The following WNT9B variants were observed in gnomAD, a reference collection of about 807,000 sequenced individuals.
WNT9B encodes protein Wnt-9b.
A neutral mutation model predicts 30.2 loss-of-function variants in WNT9B; 12 were observed. That is an observed-to-expected ratio of 0.40 (90% confidence interval 0.26 to 0.64). The LOEUF (loss-of-function observed/expected upper bound fraction) is 0.64, where lower values mean the gene tolerates loss of function less well. Among genes scored for constraint, WNT9B ranks in the 30% least tolerant of loss-of-function variants. WNT9B has a pLI of 0.42. For missense variants in WNT9B, 442 were observed against 485.2 expected (o/e 0.91, Z 0.84); for synonymous variants, 218 against 216.9 (o/e 1.01, Z -0.05).
At chr17:46,862,496 G>T (rs896634080) in intron 1 of WNT9B, among the ~76,000 whole-genome samples, 1 of 152,208 alleles carries the variant, frequency 6.6e-6, no homozygotes, top group Non-Finnish European at 1.5e-5. Context: ...CTGGAATTTG[G>T]AATTGTGGAT....
chr17:46,883,374 T>C (rs1470732218), downstream of WNT9B, among the ~76,000 whole-genome samples: 1 of 150,194 alleles, frequency 6.7e-6, no homozygotes, highest in African/African-American at 2.5e-5. Flanking sequence ...AACCTCCGCC[T>C]CCCGGGTTCA....
At chr17:46,880,901 A>G (rs2085413871), downstream of WNT9B, among the ~76,000 whole-genome samples, 2 of 152,180 alleles carry the variant, frequency 1.3e-5, no homozygotes, top group African/African-American at 4.8e-5. Flanking sequence ...CCCTCATGCT[A>G]TGGCAAGCAG....
downstream of WNT9B, among the ~76,000 whole-genome samples, chr17:46,884,392 T>C (rs569288040): frequency 1.2e-3 from 183 of 152,228 alleles, no homozygotes; most frequent in African/African-American, 4.2e-3. Context: ...CAGCCCCCTC[T>C]CCAAGTTCAG....
intron 1 of WNT9B, among the ~76,000 whole-genome samples, chr17:46,863,301 G>A (rs1018410030): frequency 2.2e-4 from 33 of 152,212 alleles, no homozygotes; most frequent in South Asian, 8.3e-4. Flanking sequence ...CACTCCTTGC[G>A]TGGGGTTAGA....
chr17:46,867,494 G>A (rs560288613), intron 1 of WNT9B, among the ~76,000 whole-genome samples: 1 of 152,364 alleles, frequency 6.6e-6, no homozygotes, highest in South Asian at 2.1e-4. Context: ...AGACTACCTA[G>A]GCCAGAACAG....
chr17:46,870,408 G>A (rs1385851301), intron 1 of WNT9B, among the ~76,000 whole-genome samples: 1 of 152,214 alleles, frequency 6.6e-6, no homozygotes, highest in Non-Finnish European at 1.5e-5. Flanking sequence ...CCAGGCTGCA[G>A]GGAGGGGTTT....
At chr17:46,834,489 C>T (rs1210434243) in intron 1 of WNT9B, among the ~76,000 whole-genome samples, 2 of 152,194 alleles carry the variant, frequency 1.3e-5, no homozygotes, top group South Asian at 2.1e-4. Flanking sequence ...CTGGGCTTTA[C>T]AACAGGGGGT....
rs1004684045 is a variant in WNT9B at position 46,875,163 on chromosome 17, C to T, written c.397C>T (p.Arg133Trp). 70 of 1,613,918 alleles carry T rather than the reference C, an allele frequency of 4.3e-5. No individual in the cohort carries two copies. The highest frequency in any genetic ancestry group is 5.5e-5 in the Non-Finnish European group (65 of 1,180,048). Residue 133 changes from arginine to tryptophan, a missense_variant, in exon 3 of 4, where the codon CGG becomes TGG. By Grantham distance (101) the Arg-to-Trp change is moderately radical. Transcript: ENST00000290015. ...SSAALTHTLA[R>W]ACSAGRMERC... ...TGCCGCCCTCACCCACACCCTGGCC[C>T]GGGCCTGCAGCGCTGGGCGCATGGA...
intron 1 of WNT9B, among the ~76,000 whole-genome samples, chr17:46,852,959 T>C (rs1376889274): frequency 6.6e-6 from 1 of 152,198 alleles, no homozygotes; most frequent in East Asian, 1.9e-4. Flanking sequence ...ACCCTAGCTC[T>C]GGGCTTAGCT....
intron 1 of WNT9B, among the ~76,000 whole-genome samples, chr17:46,860,016 T>C (rs752234523): frequency 6.6e-6 from 1 of 152,106 alleles, no homozygotes; most frequent in Non-Finnish European, 1.5e-5. Flanking sequence ...AAAACATAGT[T>C]GGAGGGAAGG....
chr17:46,853,952 T>G (rs983032105), intron 1 of WNT9B, among the ~76,000 whole-genome samples: 1 of 152,052 alleles, frequency 6.6e-6, no homozygotes, highest in African/African-American at 2.4e-5. Flanking sequence ...GAACTGAGCA[T>G]GGAGCAGCCT....
intron 1 of WNT9B, among the ~76,000 whole-genome samples, chr17:46,867,476 C>T (rs2085158812): frequency 6.6e-6 from 1 of 152,226 alleles, no homozygotes; most frequent in South Asian, 2.1e-4. Flanking sequence ...TGAGTCAGAC[C>T]TAGGACCAGA....
intron 2 of WNT9B, among the ~76,000 whole-genome samples, chr17:46,874,143 G>A (rs2085303380): frequency 6.6e-6 from 1 of 152,174 alleles, no homozygotes; most frequent in Non-Finnish European, 1.5e-5. Flanking sequence ...GGGCAGGCAG[G>A]AAGTAGTGAG....
intron 1 of WNT9B, among the ~76,000 whole-genome samples, chr17:46,855,404 G>A (rs2084922621): frequency 6.6e-6 from 1 of 152,216 alleles, no homozygotes; most frequent in Admixed American, 6.5e-5. Context: ...AGTGGGACAG[G>A]AGGCGGACCA....
At chr17:46,845,095 C>G (rs183971585) in intron 1 of WNT9B, among the ~76,000 whole-genome samples, 6 of 152,194 alleles carry the variant, frequency 3.9e-5, no homozygotes, top group Non-Finnish European at 8.8e-5. Context: ...GTGATCCACT[C>G]GCCTCGGCCT....
intron 1 of WNT9B, among the ~76,000 whole-genome samples, chr17:46,854,960 C>A (rs923230145): frequency 6.6e-6 from 1 of 152,156 alleles, no homozygotes; most frequent in East Asian, 1.9e-4. Flanking sequence ...ATGCCCAGCC[C>A]ATCACTTTCT....
At chr17:46,874,948 G>A (rs746595834) in intron 2 of WNT9B, 153 bp from the exon 3 acceptor site, 2 of 1,201,030 alleles carry the variant, frequency 1.7e-6, no homozygotes, top group Non-Finnish European at 2.5e-6. Context: ...CCCACCCGGA[G>A]CTGTGTCCTC....
intron 1 of WNT9B, among the ~76,000 whole-genome samples, chr17:46,843,413 G>A (rs562372697): frequency 2.6e-5 from 4 of 151,804 alleles, no homozygotes; most frequent in African/African-American, 4.8e-5. Flanking sequence ...TATTCCATTC[G>A]TTAAAGTGAA....
In WNT9B at chr17:46,875,132, G is replaced by A. The variant is rs921269656; in HGVS notation, c.366G>A (p.Val122=). 2 of 1,613,826 alleles carry A rather than the reference G, an allele frequency of 1.2e-6. No homozygotes were observed. The highest frequency in any genetic ancestry group is 1.7e-6 in the Non-Finnish European group (2 of 1,180,046). The stretch of plus-strand genomic sequence containing the variant: ...AAGAGACAGCTTTCCTGTACGCGGT[G>A]TCCTCTGCCGCCCTCACCCACACCC... ...GFKETAFLYA[V]SSAALTHTLA... is the part of the protein sequence containing the mutation. The change falls in exon 3 of 4, where the codon GTG becomes GTA. Residue 122 remains valine, a synonymous_variant. Transcript: ENST00000290015.
Sources: allele counts gnomAD v4.1 joint callset (sites outside exome capture counted in the v4.1 genomes callset), GRCh38; gene constraint gnomAD v4.1.1; transcripts MANE v1.5; gene names NCBI Gene and HGNC (gene_info 2026-07-23, HGNC 2026-07-21).